The following CADPS2 variants were observed in gnomAD, a reference collection of about 807,000 sequenced individuals.
CADPS2 encodes calcium dependent secretion activator 2, also known as calcium-dependent secretion activator 2.
CADPS2 carries 93 observed loss-of-function variants against 172.5 expected under a neutral mutation model. The observed-to-expected ratio is 0.54, with a 90% CI of 0.46 to 0.64. CADPS2 has a LOEUF of 0.64. Among genes scored for constraint, CADPS2 ranks in the 30% least tolerant of loss-of-function variants. The pLI is 0.00. For synonymous variants in CADPS2, 546 were observed against 555.2 expected, an observed-to-expected ratio of 0.98 and a Z score of 0.23; for missense variants, 1,420 against 1,565.9, an observed-to-expected ratio of 0.91 and a Z score of 1.57.
chr7:122,322,743 G>GT lies in CADPS2; in HGVS notation c.3718-2406dup, dbSNP rs555755516. On this transcript the variant is annotated intron_variant, in intron 29 of 29. Coordinates refer to ENST00000449022, the MANE Select transcript of CADPS2 (RefSeq NM_017954.11). ...TTTTGTGTAACCCTTTCTGGGATTT[G>GT]TTTTTTTCTTAGTGTGCAACATGAA... 1.5e-3 allele frequency among the ~76,000 whole-genome samples: 233 copies of GT among 152,178 alleles called. 2 individuals carry two copies. Among genetic ancestry groups the GT allele is most frequent in the Non-Finnish European group, 1.7e-3 (117 of 68,008 alleles).
chr7:122,660,374 G>T (rs1037295229), intron 3 of CADPS2, among the ~76,000 whole-genome samples: 1 of 151,752 alleles, frequency 6.6e-6, no homozygotes, highest in Admixed American at 6.6e-5. Context: ...ATTTTGTTTC[G>T]TTTTTTAAAA....
In CADPS2 at chr7:122,681,167, T is replaced by C. The variant is rs934742242; in HGVS notation, c.454-17598A>G. On this transcript the variant is annotated intron_variant, in intron 2 of 29. Transcript: ENST00000449022. ...GGGGGAGGGATAGCATTGGGAGATA[T>C]ACCTAATGCTAGATGACAAGTTAGT... 40 of 544,404 alleles carry C rather than the reference T, an allele frequency of 7.3e-5. No individual in the cohort carries two copies. The Admixed American group carries it at 1.0e-3, about 14-fold the overall frequency. The allele number at this position is 544,404 out of a possible 1,614,324, so 33.7% of individuals were successfully genotyped here.
chr7:122,857,450 A>G (rs550848613), intron 1 of CADPS2, among the ~76,000 whole-genome samples: 5 of 152,354 alleles, frequency 3.3e-5, no homozygotes, highest in African/African-American at 1.2e-4. Flanking sequence ...GTAACTTGCT[A>G]TACCAGATCC....
At chr7:122,689,639 T>C (rs1242976726) in intron 2 of CADPS2, among the ~76,000 whole-genome samples, 2 of 152,160 alleles carry the variant, frequency 1.3e-5, no homozygotes, top group Non-Finnish European at 2.9e-5. Context: ...TACAGTCCAA[T>C]TGGCTGGCAG....
intron 1 of CADPS2, among the ~76,000 whole-genome samples, chr7:122,873,271 C>T (rs545593128): frequency 1.7e-4 from 26 of 152,246 alleles, no homozygotes; most frequent in African/African-American, 6.3e-4. Flanking sequence ...TGGTTTCCTG[C>T]ACCACTATGT....
chr7:122,348,260 G>T (rs2037989094), intron 27 of CADPS2, among the ~76,000 whole-genome samples: 1 of 152,140 alleles, frequency 6.6e-6, no homozygotes, highest in East Asian at 1.9e-4. Context: ...AGACACTACG[G>T]TAATTTCTTT....
chr7:122,499,540 TA>T (rs1428318303), intron 9 of CADPS2, among the ~76,000 whole-genome samples: 48 of 152,358 alleles, frequency 3.2e-4, no homozygotes, highest in African/African-American at 1.1e-3. Context: ...ATATTACCTT[TA>T]AGACTAGCCA....
At chr7:122,516,678 A>G (rs2060403559) in intron 8 of CADPS2, among the ~76,000 whole-genome samples, 1 of 152,172 alleles carries the variant, frequency 6.6e-6, no homozygotes, top group Admixed American at 6.5e-5. Context: ...ATAAAGAATT[A>G]CTAATGATAT....
intron 6 of CADPS2, among the ~76,000 whole-genome samples, chr7:122,597,496 T>C (rs978000304): frequency 5.9e-5 from 9 of 152,098 alleles, no homozygotes; most frequent in Non-Finnish European, 1.0e-4. Flanking sequence ...TAGGTCATCA[T>C]TGTGTGTATG....
chr7:122,596,210 C>T lies in CADPS2; in HGVS notation c.1224-14920G>A, dbSNP rs73433802. On this transcript the variant is annotated intron_variant, in intron 6 of 29. Transcript: ENST00000449022. The stretch of plus-strand genomic sequence containing the variant: ...TACCTTGGAACAAAAATGCTATACA[C>T]ACAGGCTTTTAAGCTCAAGAACATT... Among the ~76,000 whole-genome samples, 8 of 152,164 alleles carry T rather than the reference C, an allele frequency of 5.3e-5. No homozygotes were observed. In the East Asian group the frequency reaches 9.7e-4, roughly 18 times the overall value.
chr7:122,567,129 AAC>A (rs1386888341), intron 7 of CADPS2, among the ~76,000 whole-genome samples: 1 of 152,180 alleles, frequency 6.6e-6, no homozygotes, highest in Non-Finnish European at 1.5e-5. Context: ...AGCCAGAAAT[AAC>A]AGTTAGTTTT....
chr7:122,775,954 G>C (rs1308774418), intron 1 of CADPS2, among the ~76,000 whole-genome samples: 1 of 138,378 alleles, frequency 7.2e-6, no homozygotes, highest in African/African-American at 3.1e-5. Flanking sequence ...ATTTGGTACA[G>C]TATTTATTCA....
chr7:122,554,824 C>T (rs1382821320), intron 7 of CADPS2, 135 bp from the exon 8 acceptor site: 2 of 641,582 alleles, frequency 3.1e-6, no homozygotes, highest in African/African-American at 1.9e-5. Flanking sequence ...CAATTTGACT[C>T]CCTACTACAA....
intron 14 of CADPS2, among the ~76,000 whole-genome samples, chr7:122,468,457 T>C (rs1424995911): frequency 1.3e-5 from 2 of 152,216 alleles, no homozygotes; most frequent in Non-Finnish European, 2.9e-5. Flanking sequence ...TACATACACA[T>C]TGAAATATTT....
intron 3 of CADPS2, among the ~76,000 whole-genome samples, chr7:122,631,809 G>A (rs745429208): frequency 6.6e-6 from 1 of 152,008 alleles, no homozygotes; most frequent in Non-Finnish European, 1.5e-5. Context: ...CCCAGGTGGT[G>A]AGCATAGTAT....
intron 12 of CADPS2, 114 bp downstream of exon 12, chr7:122,480,738 T>C: frequency 3.0e-6 from 2 of 657,410 alleles, no homozygotes; most frequent in South Asian, 5.4e-5. Context: ...ATATTCTGGG[T>C]TTGGCTAGAA....
Position 122,438,396 on chromosome 7 carries a change from G to A in CADPS2, c.2421C>T (p.Leu807=), listed in dbSNP as rs376933238. The stretch of plus-strand genomic sequence containing the variant: ...TGTAATTGATCAAGGCAGCTTTCTC[G>A]AGACATTTTCTGACCACTTTCTTCA... ...EEVKKVVRKC[L]EKAALINYTR... Residue 807 remains leucine (L), a synonymous_variant, in exon 17 of 30, where the codon CTC becomes CTT. Coordinates refer to ENST00000449022, the MANE Select transcript of CADPS2 (RefSeq NM_017954.11). 3.1e-6 allele frequency: 5 copies of A among 1,613,120 alleles called. No individual in the cohort carries two copies. The highest frequency in any genetic ancestry group is 2.2e-5 in the East Asian group (1 of 44,850).
intron 1 of CADPS2, among the ~76,000 whole-genome samples, chr7:122,810,379 G>A (rs776109179): frequency 6.6e-6 from 1 of 152,146 alleles, no homozygotes; most frequent in Non-Finnish European, 1.5e-5. Context: ...TGAAACTGGT[G>A]TATGTCTTCC....
Position 122,393,474 on chromosome 7 carries a change from C to G in CADPS2, c.2855G>C (p.Arg952Thr). ...MESSIAQSIH[R>T]GFEQETWQPV... is the part of the protein sequence containing the mutation. ...CTGCCATGTCTCCTGCTCAAAACCT[C>G]TGTGAATTGACTGGGCGATGGAAGA... Residue 952 changes from arginine (R) to threonine (T), a missense_variant, in exon 21 of 30, where the codon AGA (arginine) becomes ACA (threonine). Transcript: ENST00000449022. 1 of 1,613,930 alleles carries G rather than the reference C, an allele frequency of 6.2e-7. No homozygotes were observed. Among genetic ancestry groups the G allele is most frequent in the Non-Finnish European group, 8.5e-7 (1 of 1,179,846 alleles).
Sources: gnomAD v4.1 joint callset for allele counts (sites outside exome capture counted in the v4.1 genomes callset) on GRCh38, gnomAD v4.1.1 for gene constraint, MANE v1.5 for transcripts, NCBI Gene and HGNC (gene_info 2026-07-23, HGNC 2026-07-21) for gene names.